The following TENM3 variants were observed in gnomAD, a reference collection of about 807,000 sequenced individuals.
TENM3 encodes teneurin-3.
Under a neutral mutation model 255.1 loss-of-function variants are expected in TENM3, and 63 were observed. The ratio of observed to expected loss-of-function variants is 0.25; its 90% CI spans 0.20 to 0.30. The LOEUF is 0.30. TENM3 is among the 10% of genes least tolerant of loss of function. The pLI is 1.00. For missense variants in TENM3, 2,929 were observed against 3,461.1 expected (o/e 0.85, Z 3.86); for synonymous variants, 1,306 against 1,322.3 (o/e 0.99, Z 0.27).
At chr4:181,569,163 G>A in the TENM3 span, among the ~76,000 whole-genome samples, 1 of 152,000 alleles carries the variant, frequency 6.6e-6, no homozygotes, top group African/African-American at 2.4e-5. Context: ...TGAGGCCCCC[G>A]TCTCTAAAAT....
At chr4:182,501,646 A>G (rs964655996) in intron 3 of TENM3, among the ~76,000 whole-genome samples, 28 of 152,120 alleles carry the variant, frequency 1.8e-4, no homozygotes, top group African/African-American at 6.0e-4. Context: ...AGTTACATCC[A>G]TTTTACCTGA....
chr4:182,176,341 T>C (rs111607603), intron 1 of TENM3, among the ~76,000 whole-genome samples: 2 of 152,290 alleles, frequency 1.3e-5, no homozygotes, highest in African/African-American at 4.8e-5. Flanking sequence ...ACCTCCTCTG[T>C]GTGATTCAGT....
chr4:182,670,297 T>A (rs1383640677), intron 6 of TENM3, among the ~76,000 whole-genome samples: 1 of 152,206 alleles, frequency 6.6e-6, no homozygotes, highest in East Asian at 1.9e-4. Flanking sequence ...GAAATTTTAT[T>A]CCTTAGATCC....
Position 182,802,344 on chromosome 4 carries a change from AT to A in TENM3, c.*1996del, listed in dbSNP as rs1767038581. On this transcript the variant is annotated 3_prime_UTR_variant, in exon 28 of 28. Coordinates refer to ENST00000511685, the MANE Select transcript of TENM3 (RefSeq NM_001080477.4). Reference sequence around the variant, plus strand: ...AAGCCCAAATTTAGAAAACTATGAGATTTCAAACCACATAAACATGATTCTG... The same window carrying A: ...AAGCCCAAATTTAGAAAACTATGAGATTCAAACCACATAAACATGATTCTG... 1 of 152,648 alleles carries A rather than the reference AT, an allele frequency of 6.6e-6. No individual in the cohort carries two copies. The highest frequency in any genetic ancestry group is 1.5e-5 in the Non-Finnish European group (1 of 68,038). 9.5% of individuals were successfully genotyped at this position (152,648 alleles called of 1,614,324 possible). A position where few individuals can be genotyped will look rare whatever the true frequency, so the allele number is the denominator to read the frequency against.
chr4:181,922,592 A>G, the TENM3 span, among the ~76,000 whole-genome samples: 1 of 152,114 alleles, frequency 6.6e-6, no homozygotes, highest in South Asian at 2.1e-4. Flanking sequence ...CCCCTTTATC[A>G]TTTTTTATTG....
the TENM3 span, among the ~76,000 whole-genome samples, chr4:181,909,113 A>G: frequency 6.6e-6 from 1 of 152,068 alleles, no homozygotes; most frequent in Non-Finnish European, 1.5e-5. Flanking sequence ...TCTCTCGACT[A>G]TTTTAACAAG....
chr4:182,045,684 T>TA, the TENM3 span, among the ~76,000 whole-genome samples: 2 of 152,172 alleles, frequency 1.3e-5, no homozygotes, highest in Non-Finnish European at 2.9e-5. Flanking sequence ...TGAAACATGA[T>TA]AAAAAGCACT....
intron 3 of TENM3, among the ~76,000 whole-genome samples, chr4:182,464,643 C>G (rs1242640140): frequency 6.6e-6 from 1 of 152,088 alleles, no homozygotes; most frequent in Non-Finnish European, 1.5e-5. Flanking sequence ...ATATGTAGTT[C>G]TAGAAGGTAT....
intron 1 of TENM3, among the ~76,000 whole-genome samples, chr4:182,293,614 T>C (rs1761264868): frequency 6.6e-6 from 1 of 152,186 alleles, no homozygotes; most frequent in Non-Finnish European, 1.5e-5. Context: ...TGGTGCTGAT[T>C]ATCAGTGGTA....
At chr4:181,638,781 T>C in the TENM3 span, among the ~76,000 whole-genome samples, 1 of 152,218 alleles carries the variant, frequency 6.6e-6, no homozygotes, top group Non-Finnish European at 1.5e-5. Context: ...ACTGCAAATA[T>C]ATATATTCCA....
chr4:182,650,827 T>TTA lies in TENM3; in HGVS notation c.989-2939_989-2938dup, dbSNP rs1389378649. Among the ~76,000 whole-genome samples, 14 of 150,162 alleles carry TTA rather than the reference T, an allele frequency of 9.3e-5. 1 individual carries two copies. The highest frequency in any genetic ancestry group is 2.1e-4 in the Non-Finnish European group (14 of 67,650). Reference sequence around the variant, plus strand: ...ATAATATTTCTGGATATGAGTCTCATTATATAGCATCTTCAGTAGAACCAG... The same window carrying TTA: ...ATAATATTTCTGGATATGAGTCTCATTATATATAGCATCTTCAGTAGAACCAG... On this transcript the variant is annotated intron_variant, in intron 5 of 27. Coordinates refer to ENST00000511685, the MANE Select transcript of TENM3 (RefSeq NM_001080477.4).
the TENM3 span, among the ~76,000 whole-genome samples, chr4:181,770,685 A>G: frequency 6.6e-6 from 1 of 151,530 alleles, no homozygotes; most frequent in Non-Finnish European, 1.5e-5. Context: ...AAAAAAAAAA[A>G]AAAAAAAAAA....
At chr4:182,173,800 A>T (rs1007872475) in intron 1 of TENM3, among the ~76,000 whole-genome samples, 2 of 152,204 alleles carry the variant, frequency 1.3e-5, no homozygotes, top group African/African-American at 4.8e-5. Context: ...GGAAGGTGAC[A>T]ACTTCACACA....
rs139888861 is a variant in TENM3, at chr4:182,606,428, G to A, written c.749+5267G>A. On this transcript the variant is annotated intron_variant, in intron 4 of 27. Transcript: ENST00000511685. The stretch of plus-strand genomic sequence containing the variant: ...AATCTCAGCTACTTGGCAGGCTGAG[G>A]TGAGAGAATCTCTTGAACCCGGGAG... Among the ~76,000 whole-genome samples, 550 of 151,150 alleles carry A rather than the reference G, an allele frequency of 3.6e-3. 4 individuals carry two copies. The highest frequency in any genetic ancestry group is 0.013 in the African/African-American group (514 of 41,112).
chr4:182,101,104 G>GGAAAGAAGGA, the TENM3 span, among the ~76,000 whole-genome samples: 1 of 11,682 alleles, frequency 8.6e-5, no homozygotes, highest in Non-Finnish European at 1.9e-4. Flanking sequence ...GGGAGGGAGG[G>GGAAAGAAGGA]AGGAAGGAAA....
At chr4:182,732,533 A>G (rs1400493008) in intron 16 of TENM3, among the ~76,000 whole-genome samples, 7 of 152,244 alleles carry the variant, frequency 4.6e-5, no homozygotes, top group Non-Finnish European at 8.8e-5. Context: ...AGGTGTAATA[A>G]TAATGGATTT....
chr4:181,764,231 C>T, the TENM3 span, among the ~76,000 whole-genome samples: 1 of 111,412 alleles, frequency 9.0e-6, no homozygotes, highest in Non-Finnish European at 1.9e-5. Context: ...ATAAGACATA[C>T]AAGAAGAGGG....
At chr4:182,314,142 T>TA (rs1263941943) in intron 1 of TENM3, among the ~76,000 whole-genome samples, 1 of 151,918 alleles carries the variant, frequency 6.6e-6, no homozygotes, top group Non-Finnish European at 1.5e-5. Context: ...CTACTAAAAA[T>TA]ACAAAAAAAT....
At chr4:181,739,411 A>G in the TENM3 span, among the ~76,000 whole-genome samples, 1 of 152,180 alleles carries the variant, frequency 6.6e-6, no homozygotes. Flanking sequence ...CGTACCAACT[A>G]AAGAACTATA....
Sources: allele counts gnomAD v4.1 joint callset (sites outside exome capture counted in the v4.1 genomes callset), GRCh38; gene constraint gnomAD v4.1.1; transcripts MANE v1.5; gene names NCBI Gene and HGNC (gene_info 2026-07-23, HGNC 2026-07-21).